The following ZNF263 variants were observed in gnomAD, a reference collection of about 807,000 sequenced individuals.
ZNF263 encodes the protein zinc finger protein 263, also known as zinc finger protein FPM315.
A neutral mutation model predicts 63.1 loss-of-function variants in ZNF263; 49 were observed. The observed-to-expected ratio is 0.78, with a 90% confidence interval of 0.62 to 0.99. The LOEUF (loss-of-function observed/expected upper bound fraction) is 0.99, where lower values mean the gene tolerates loss of function less well. Among genes scored for constraint, ZNF263 ranks in the 50% least tolerant of loss-of-function variants. ZNF263 has a pLI of 0.00. For synonymous variants in ZNF263, 352 were observed against 324.2 expected, an observed-to-expected ratio of 1.09 and a Z score of -0.92; for missense variants, 872 against 854.8, an observed-to-expected ratio of 1.02 and a Z score of -0.25.
At chr16:3,297,743 C>G (rs978612996) in intron 1 of ZNF263, among the ~76,000 whole-genome samples, 1 of 151,974 alleles carries the variant, frequency 6.6e-6, no homozygotes, top group Admixed American at 6.6e-5. Context: ...GGATTACAGC[C>G]GTGAGCCACC....
rs1313144101 is a variant in ZNF263 at position 3,289,388 on chromosome 16, A to G, written c.887-5A>G. On this transcript the variant is annotated splice_polypyrimidine_tract_variant and splice_region_variant and intron_variant, in intron 5 of 5. Coordinates refer to ENST00000219069, the MANE Select transcript of ZNF263 (RefSeq NM_005741.5). The stretch of plus-strand genomic sequence containing the variant: ...GTACGGGTTTGGTTTCTCTCTCTCT[A>G]CCAGGAGAAGAGAAATTTGAGAACC... 1 of 1,510,324 alleles carries G rather than the reference A, an allele frequency of 6.6e-7. No individual in the cohort carries two copies. Among genetic ancestry groups the G allele is most frequent in the East Asian group, 2.3e-5 (1 of 43,854 alleles). The allele number at this position is 1,510,324 out of a possible 1,614,324, so 93.6% of individuals were successfully genotyped here. A position where few individuals can be genotyped will look rare whatever the true frequency, so the allele number is the denominator to read the frequency against.
chr16:3,297,697 C>G (rs1959798130), intron 1 of ZNF263, among the ~76,000 whole-genome samples: 1 of 151,956 alleles, frequency 6.6e-6, no homozygotes, highest in African/African-American at 2.4e-5. Flanking sequence ...ATCTCCTGAC[C>G]TCGTGATCTG....
In ZNF263 at chr16:3,289,692, C is replaced by T. The variant is rs1567252725; in HGVS notation, c.1186C>T (p.His396Tyr). The T allele has an allele frequency of 6.2e-7, 1 of 1,614,250 alleles. No homozygotes were observed. Among genetic ancestry groups the T allele is most frequent in the African/African-American group, 1.3e-5 (1 of 75,066 alleles). Residue 396 changes from histidine to tyrosine, a missense_variant, in exon 6 of 6, where the codon CAC becomes TAC. His to Tyr is a moderately conservative substitution (Grantham distance 83). Transcript: ENST00000219069. Reference sequence around the variant, plus strand: ...CTCTAACAACTCAAACCTAATTAGGCACCAGAGAATACATGCAGCTGAAAG... The same window carrying T: ...CTCTAACAACTCAAACCTAATTAGGTACCAGAGAATACATGCAGCTGAAAG... ...NFSNNSNLIRHQRIHAAERLC... is the reference protein window; with the variant it reads ...NFSNNSNLIRYQRIHAAERLC...
intron 2 of ZNF263, chr16:3,300,592 G>A (rs1567259142): frequency 1.3e-6 from 2 of 1,587,906 alleles, no homozygotes; most frequent in Non-Finnish European, 1.7e-6. Flanking sequence ...ATTCAGTGTT[G>A]TATATTTCCC....
At chr16:3,287,028 TATG>T (rs1350761669) in intron 4 of ZNF263, 4 of 152,196 alleles carry the variant, frequency 2.6e-5, no homozygotes, top group African/African-American at 9.7e-5. Flanking sequence ...TGCAGTGAGC[TATG>T]ATGATGCCAC....
chr16:3,300,406 T>C (rs1040808050), intron 2 of ZNF263: 4 of 1,614,222 alleles, frequency 2.5e-6, no homozygotes, highest in South Asian at 2.2e-5. Flanking sequence ...CGTTGTCCTC[T>C]TTCTCTTCTC....
chr16:3,293,224 G>A (rs533014099), downstream of ZNF263: 1 of 152,158 alleles, frequency 6.6e-6, no homozygotes, highest in Non-Finnish European at 1.5e-5. Context: ...GAATTCTCCC[G>A]AGAGCTGATG....
rs541808283 is a variant in ZNF263, at chr16:3,296,667, A to C, written c.152-2439A>C. ...GCAATGTTGATATATTTTTTCTACA[A>C]GTTCTGGGTAATAAATAAGGCACAA... On this transcript the variant is annotated intron_variant, in intron 1 of 2. Coordinates refer to the ZNF263 transcript ENST00000574674. Among the ~76,000 whole-genome samples, 139 of 152,348 alleles carry C rather than the reference A, an allele frequency of 9.1e-4. 1 individual carries two copies. In the Middle Eastern group the frequency reaches 0.01, roughly 11 times the overall value.
chr16:3,299,980 GCAGA>G, intron 2 of ZNF263: 1 of 1,614,032 alleles, frequency 6.2e-7, no homozygotes, highest in Non-Finnish European at 8.5e-7. Flanking sequence ...ACATAAAAAG[GCAGA>G]CAACCTTTCT....
intron 2 of ZNF263, chr16:3,300,371 C>T (rs768216699): frequency 1.4e-5 from 22 of 1,614,220 alleles, no homozygotes; most frequent in Non-Finnish European, 1.9e-5. Context: ...TAGACCGCAT[C>T]ATCTACATCA....
rs1959235189 is a variant in ZNF263 at position 3,283,749 on chromosome 16, A to G, written c.-70A>G. The G allele has an allele frequency of 2.7e-6, 4 of 1,463,934 alleles. No individual in the cohort carries two copies. The highest frequency in any genetic ancestry group is 3.6e-6 in the Non-Finnish European group (4 of 1,112,806). 90.7% of individuals were successfully genotyped at this position (1,463,934 alleles called of 1,614,324 possible). A position where few individuals can be genotyped will look rare whatever the true frequency, so the allele number is the denominator to read the frequency against. ...GCTCCTGCTGGCGCCGTCCAACCTTACATGGGTTCAGGGCGCCTTCGTAGG... is the reference window on the plus strand; with the variant it reads ...GCTCCTGCTGGCGCCGTCCAACCTTGCATGGGTTCAGGGCGCCTTCGTAGG... On this transcript the variant is annotated 5_prime_UTR_variant, in exon 1 of 6. Coordinates refer to ENST00000219069, the MANE Select transcript of ZNF263 (RefSeq NM_005741.5).
rs1193638066 is a variant in ZNF263 at position 3,291,315 on chromosome 16, T to C, written c.*757T>C. 1.0e-6 allele frequency: 1 copy of C among 985,276 alleles called. No individual in the cohort carries two copies. The highest frequency in any genetic ancestry group is 1.7e-5 in the African/African-American group (1 of 57,212). 61.0% of individuals were successfully genotyped at this position (985,276 alleles called of 1,614,324 possible). ...AAAAATAAACAGCTCTGGAGTCTTG[T>C]TCCTGACTCCAGAGGAACGAGAGCA... is the stretch of plus-strand genomic sequence containing the variant. On this transcript the variant is annotated 3_prime_UTR_variant, in exon 6 of 6. Transcript: ENST00000219069.
At chr16:3,291,476 A>C, downstream of ZNF263, 1 of 985,446 alleles carries the variant, frequency 1.0e-6, no homozygotes, top group Non-Finnish European at 1.2e-6. Flanking sequence ...GTGAGTCTTC[A>C]ATGAAAGCCT....
At chr16:3,293,555 C>G (rs1004714657), downstream of ZNF263, among the ~76,000 whole-genome samples, 1 of 152,216 alleles carries the variant, frequency 6.6e-6, no homozygotes, top group African/African-American at 2.4e-5. Context: ...CACAGGGAGA[C>G]TAACCCTGGG....
chr16:3,284,421 G>A (rs936162156), intron 1 of ZNF263, among the ~76,000 whole-genome samples: 3 of 152,358 alleles, frequency 2.0e-5, no homozygotes, highest in African/African-American at 7.2e-5. Context: ...CGGTGTCCCT[G>A]CAACAGTTAG....
chr16:3,284,353 C>G, intron 1 of ZNF263, 148 bp downstream of exon 1: 1 of 1,316,774 alleles, frequency 7.6e-7, no homozygotes, highest in Non-Finnish European at 9.7e-7. Context: ...CACTCATCCT[C>G]CAGATTTTCC....
rs377380945 is a variant in ZNF263, at chr16:3,286,372, G to A, written c.769+223G>A. ...AGTCCCAGCTGCCAGAGCCTAAGGC[G>A]AGTCTGAGCCATGTGCACTTCCTAG... On this transcript the variant is annotated intron_variant, in intron 4 of 5. Transcript: ENST00000219069. The A allele has an allele frequency of 1.0e-3, 510 of 511,508 alleles. 3 individuals are homozygous for A. Among genetic ancestry groups the A allele is most frequent in the South Asian group, 7.8e-3 (275 of 35,048 alleles). The allele number at this position is 511,508 out of a possible 1,614,324, so 31.7% of individuals were successfully genotyped here.
At chr16:3,295,044 A>G (rs1435043247), downstream of ZNF263, among the ~76,000 whole-genome samples, 1 of 151,954 alleles carries the variant, frequency 6.6e-6, no homozygotes, top group Non-Finnish European at 1.5e-5. Flanking sequence ...CAGCCCCAGC[A>G]CCCGGCGCAA....
At chr16:3,284,340 G>C (rs1241025812) in intron 1 of ZNF263, 135 bp downstream of exon 1, 18 of 1,340,446 alleles carry the variant, frequency 1.3e-5, no homozygotes, top group Non-Finnish European at 1.5e-5. Context: ...ATTTAACCTG[G>C]AACACTCATC....
Sources: gnomAD v4.1 joint callset for allele counts (sites outside exome capture counted in the v4.1 genomes callset) on GRCh38, gnomAD v4.1.1 for gene constraint, MANE v1.5 for transcripts, NCBI Gene and HGNC (gene_info 2026-07-23, HGNC 2026-07-21) for gene names.